ASB2: variants seen among roughly 807,000 people sequenced by gnomAD.
ASB2 encodes ankyrin repeat and SOCS box containing 2.
A neutral mutation model predicts 62.4 loss-of-function variants in ASB2; 58 were observed. The observed-to-expected ratio is 0.93, with a 90% CI of 0.75 to 1.16. The LOEUF (loss-of-function observed/expected upper bound fraction) is 1.16, where lower values mean the gene tolerates loss of function less well. Among genes scored for constraint, ASB2 ranks in the 50% most tolerant of loss-of-function variants. The probability of loss-of-function intolerance (pLI) is 0.00; values close to 1 mark genes in which losing one functional copy is unlikely to be tolerated. For missense variants in ASB2, 928 were observed against 887.9 expected (o/e 1.05, Z -0.57); for synonymous variants, 386 against 385.3 (o/e 1.00, Z -0.02).
intron 2 of ASB2, among the ~76,000 whole-genome samples, chr14:93,957,811 G>T (rs376500018): frequency 6.6e-6 from 1 of 152,188 alleles, no homozygotes; most frequent in African/African-American, 2.4e-5. Flanking sequence ...TGGGGTTGTC[G>T]TGAGAACAGG....
Position 93,964,362 on chromosome 14 carries a change from G to A in ASB2, c.178C>T (p.Gln60Ter). 1 of 1,536,190 alleles carries A rather than the reference G, an allele frequency of 6.5e-7. No homozygotes were observed. The highest frequency in any genetic ancestry group is 8.7e-7 in the Non-Finnish European group (1 of 1,146,910). ...GTCCATGGGTAGAAATGGGCAGGTT[G>A]GCGGTTGGTACATGCAGACGCGGTG... The part of the protein sequence containing the change: ...EATASACTNR[Q>*]PAHFYPWTRS... The change falls in exon 2 of 10, where the codon CAA becomes TAA. Residue 60 changes from glutamine to a stop codon, truncating the protein, a stop_gained. Coordinates refer to ENST00000555019, the MANE Select transcript of ASB2 (RefSeq NM_001202429.2). LOFTEE classifies it high-confidence loss of function.
rs372746796 is a variant in ASB2 at position 93,951,096 on chromosome 14, T to G, written c.783A>C (p.Gly261=). The G allele has an allele frequency of 2.5e-6, 4 of 1,614,104 alleles. No individual in the cohort carries two copies. Among genetic ancestry groups the G allele is most frequent in the African/African-American group, 2.7e-5 (2 of 74,942 alleles). The change falls in exon 6 of 10, where the codon GGA becomes GGC. Residue 261 remains glycine (G), a synonymous_variant. Coordinates refer to ENST00000555019, the MANE Select transcript of ASB2 (RefSeq NM_001202429.2). ...AGGCGTTCTTGGATTCCACCTTGGC[T>G]CCTCCGCTCACCAGGATCTGCATGA... ...LEVMQILVSG[G]AKVESKNAYG...
chr14:93,947,536 A>G lies in ASB2; in HGVS notation c.881-16T>C, dbSNP rs1291743666. On this transcript the variant is annotated splice_polypyrimidine_tract_variant and intron_variant, in intron 6 of 9. Coordinates refer to ENST00000555019, the MANE Select transcript of ASB2 (RefSeq NM_001202429.2). Reference sequence around the variant, plus strand: ...ATGTCAGCACCTGGGGAAGGAGAAGAGATCAGCAAGTGGCCAAGTGACCGG... The same window carrying G: ...ATGTCAGCACCTGGGGAAGGAGAAGGGATCAGCAAGTGGCCAAGTGACCGG... 3.7e-6 allele frequency: 6 copies of G among 1,611,798 alleles called. No individual in the cohort carries two copies. Among genetic ancestry groups the G allele is most frequent in the Non-Finnish European group, 5.1e-6 (6 of 1,179,170 alleles).
chr14:93,961,794 T>C (rs554303693), intron 2 of ASB2, among the ~76,000 whole-genome samples: 2 of 152,308 alleles, frequency 1.3e-5, no homozygotes, highest in South Asian at 2.1e-4. Flanking sequence ...CCGTGTGAAT[T>C]TGGGGACCCT....
chr14:93,934,567 A>C lies in ASB2; in HGVS notation c.*89T>G. The C allele has an allele frequency of 7.1e-7, 1 of 1,406,130 alleles. No homozygotes were observed. Among genetic ancestry groups the C allele is most frequent in the African/African-American group, 1.4e-5 (1 of 70,860 alleles). The allele number at this position is 1,406,130 out of a possible 1,614,324, so 87.1% of individuals were successfully genotyped here. A position where few individuals can be genotyped will look rare whatever the true frequency, so the allele number is the denominator to read the frequency against. On this transcript the variant is annotated 3_prime_UTR_variant, in exon 10 of 10. Transcript: ENST00000555019. ...GAGGCAGCCTGCAGCCTCGTCTGTC[A>C]CCAGGTCCCCTTGGAGTTGGGAACA...
At chr14:93,941,402 G>C (rs1446903518) in intron 7 of ASB2, 1 of 320,186 alleles carries the variant, frequency 3.1e-6, no homozygotes, top group Non-Finnish European at 6.1e-6. Flanking sequence ...TGGCACACAG[G>C]CTTCCTGGAA....
chr14:93,963,330 C>T (rs1889473484), intron 2 of ASB2, among the ~76,000 whole-genome samples: 1 of 151,906 alleles, frequency 6.6e-6, no homozygotes, highest in African/African-American at 2.4e-5. Flanking sequence ...GTAACACCAA[C>T]ACAATTGTCA....
At position 93,934,490 on chromosome 14, in the gene ASB2, G is replaced by C. The variant is rs1888198131; in HGVS notation, c.*166C>G. 3 of 632,110 alleles carry C rather than the reference G, an allele frequency of 4.7e-6. No homozygotes were observed. Among genetic ancestry groups the C allele is most frequent in the Non-Finnish European group, 8.2e-6 (3 of 365,688 alleles). 39.2% of individuals were successfully genotyped at this position (632,110 alleles called of 1,614,324 possible). On this transcript the variant is annotated 3_prime_UTR_variant, in exon 10 of 10. Transcript: ENST00000555019. ...CATTCTGTTCTCTGCTCTGGCCAAAGCTCTGGGCCCTGAGACCCAGTGAGA... is the reference window on the plus strand; with the variant it reads ...CATTCTGTTCTCTGCTCTGGCCAAACCTCTGGGCCCTGAGACCCAGTGAGA...
intron 7 of ASB2, among the ~76,000 whole-genome samples, chr14:93,946,442 G>C (rs540087661): frequency 1.3e-5 from 2 of 152,356 alleles, no homozygotes; most frequent in African/African-American, 4.8e-5. Context: ...CAAGGGCAGA[G>C]AAGGGGGAAA....
chr14:93,938,526 C>T (rs1205532703), intron 8 of ASB2, among the ~76,000 whole-genome samples: 2 of 152,130 alleles, frequency 1.3e-5, no homozygotes, highest in Admixed American at 1.3e-4. Context: ...AGGCGTGAGC[C>T]ACCGCGCCCG....
chr14:93,937,903 G>A, intron 8 of ASB2, 52 bp from the exon 9 acceptor site: 1 of 1,546,988 alleles, frequency 6.5e-7, no homozygotes, highest in Non-Finnish European at 8.8e-7. Context: ...ACCTGCAAGA[G>A]CCTGCGGCCA....
intron 2 of ASB2, among the ~76,000 whole-genome samples, chr14:93,960,881 AG>A (rs1328875306): frequency 6.6e-6 from 1 of 152,186 alleles, no homozygotes; most frequent in Non-Finnish European, 1.5e-5. Flanking sequence ...TTGGTTTCAA[AG>A]GTATTTATTT....
intron 2 of ASB2, among the ~76,000 whole-genome samples, chr14:93,958,510 ATCCCCGCTCTGTGCCTCAGTTTCCTTATT>A (rs1418564894): frequency 6.6e-6 from 1 of 152,146 alleles, no homozygotes; most frequent in Non-Finnish European, 1.5e-5. Context: ...GACAAGCCCC[ATCCCCGCTCTGTGCCTCAGTTTCCTTATT>A]TGCAAAATGG....
intron 6 of ASB2, among the ~76,000 whole-genome samples, chr14:93,949,796 C>T (rs988481827): frequency 2.6e-5 from 4 of 152,116 alleles, no homozygotes; most frequent in African/African-American, 9.7e-5. Flanking sequence ...GCATGCTGTC[C>T]GTCACCAGGA....
At chr14:93,946,783 C>T (rs917595868) in intron 7 of ASB2, among the ~76,000 whole-genome samples, 12 of 152,238 alleles carry the variant, frequency 7.9e-5, no homozygotes, top group African/African-American at 2.9e-4. Flanking sequence ...TGCTCAATAA[C>T]TGCTAGTTCT....
chr14:93,945,992 A>G (rs1365576266), intron 7 of ASB2, among the ~76,000 whole-genome samples: 1 of 152,254 alleles, frequency 6.6e-6, no homozygotes, highest in Admixed American at 6.5e-5. Flanking sequence ...TTGTAAATGG[A>G]TAACATACTA....
In ASB2 at chr14:93,934,394, C is replaced by G; in HGVS notation, c.*262G>C. On this transcript the variant is annotated 3_prime_UTR_variant, in exon 10 of 10. Transcript: ENST00000555019. ...CTGGCCCCAGGAATAGAGGTTTCTGCCATTCCTGAAGGTAGAGAAGGTCTG... is the reference window on the plus strand; with the variant it reads ...CTGGCCCCAGGAATAGAGGTTTCTGGCATTCCTGAAGGTAGAGAAGGTCTG... 1 of 482,938 alleles carries G rather than the reference C, an allele frequency of 2.1e-6. No individual in the cohort carries two copies. The highest frequency in any genetic ancestry group is 3.8e-6 in the Non-Finnish European group (1 of 264,114). 29.9% of individuals were successfully genotyped at this position (482,938 alleles called of 1,614,324 possible).
rs759449226 is a variant in ASB2, at chr14:93,934,706, G to A, written c.1858C>T (p.Pro620Ser). ...TATCTAATCAGCCTGCCTGGGAGCG[G>A]CAAGGTGTCTAGGAGTTTTATACGG... ...KYRIKLLDTL[P>S]LPGRLIRYLK... is the part of the protein sequence containing the mutation. The change falls in exon 10 of 10, where the codon CCG becomes TCG. Residue 620 changes from proline to serine, a missense_variant. Pro to Ser is a moderately conservative substitution (Grantham distance 74). Coordinates refer to ENST00000555019, the MANE Select transcript of ASB2 (RefSeq NM_001202429.2). The A allele has an allele frequency of 1.7e-5, 27 of 1,613,992 alleles. No individual in the cohort carries two copies. The highest frequency in any genetic ancestry group is 2.1e-5 in the Non-Finnish European group (25 of 1,179,972).
At position 93,939,150 on chromosome 14, in the gene ASB2, G is replaced by C. The variant is rs756995472; in HGVS notation, c.1575C>G (p.Phe525Leu). The C allele has an allele frequency of 5.0e-5, 79 of 1,576,522 alleles. No individual in the cohort carries two copies. The highest frequency in any genetic ancestry group is 6.8e-5 in the Non-Finnish European group (79 of 1,157,628). The part of the protein sequence containing the change: ...HPPAPQPSSR[F>L]NDAPAADKEP... The stretch of plus-strand genomic sequence containing the variant: ...CCTTGTCGGCCGCGGGCGCGTCGTT[G>C]AACCTGCTGGAGGGCTGCGGGGCCG... The change falls in exon 8 of 10, where the codon TTC becomes TTG. Residue 525 changes from phenylalanine to leucine, a missense_variant. Physicochemically the swap from Phe to Leu is conservative, Grantham distance 22 (BLOSUM62 0). Coordinates refer to ENST00000555019, the MANE Select transcript of ASB2 (RefSeq NM_001202429.2).
Sources: gnomAD v4.1 joint callset for allele counts (sites outside exome capture counted in the v4.1 genomes callset) on GRCh38, gnomAD v4.1.1 for gene constraint, MANE v1.5 for transcripts, NCBI Gene and HGNC (gene_info 2026-07-23, HGNC 2026-07-21) for gene names.